The following SRPK1 variants were observed in gnomAD, a reference collection of about 807,000 sequenced individuals.
SRPK1 encodes SRSF protein kinase 1, also known as SFRS protein kinase 1.
Under a neutral mutation model 89.5 loss-of-function variants are expected in SRPK1, and 52 were observed. The observed-to-expected ratio is 0.58, with a 90% CI of 0.46 to 0.73. The LOEUF (loss-of-function observed/expected upper bound fraction) is 0.73, where lower values mean the gene tolerates loss of function less well. Among genes scored for constraint, SRPK1 ranks in the 30% least tolerant of loss-of-function variants. The pLI, the probability that SRPK1 is intolerant of heterozygous loss-of-function variation, is 0.00. For synonymous variants in SRPK1, 255 were observed against 270.2 expected, an observed-to-expected ratio of 0.94 and a Z score of 0.55; for missense variants, 603 against 780.6, an observed-to-expected ratio of 0.77 and a Z score of 2.71.
chr6:35,903,250 G>A (rs1040602683), intron 2 of SRPK1, among the ~76,000 whole-genome samples: 11 of 152,172 alleles, frequency 7.2e-5, no homozygotes, highest in Admixed American at 3.3e-4. Context: ...GGTGGCTCAC[G>A]CCTGTAATCC....
chr6:35,904,687 T>C (rs964035242), intron 2 of SRPK1, among the ~76,000 whole-genome samples: 3 of 151,838 alleles, frequency 2.0e-5, no homozygotes, highest in African/African-American at 7.3e-5. Context: ...TAATCCCAGC[T>C]ACTCGGGAGG....
At chr6:35,871,816 G>A (rs576745140) in intron 8 of SRPK1, among the ~76,000 whole-genome samples, 1 of 152,070 alleles carries the variant, frequency 6.6e-6, no homozygotes, top group Admixed American at 6.5e-5. Context: ...ATCACAACTC[G>A]TGGCAGCCTT....
At chr6:35,837,425 T>C (rs1174280632) in intron 15 of SRPK1, among the ~76,000 whole-genome samples, 2 of 152,234 alleles carry the variant, frequency 1.3e-5, no homozygotes. Context: ...GCACTATACA[T>C]ATTAACTGTT....
intron 9 of SRPK1, 71 bp downstream of exon 9, chr6:35,870,863 C>A: frequency 7.8e-7 from 1 of 1,285,030 alleles, no homozygotes; most frequent in South Asian, 1.5e-5. Flanking sequence ...AAACTGTTAC[C>A]ATCCACAACA....
intron 2 of SRPK1, among the ~76,000 whole-genome samples, chr6:35,917,219 G>A (rs1771129576): frequency 6.6e-6 from 1 of 152,238 alleles, no homozygotes; most frequent in African/African-American, 2.4e-5. Context: ...AGGACAGTAT[G>A]TCATGAAAGG....
chr6:35,878,262 G>A (rs1399143043), intron 6 of SRPK1, among the ~76,000 whole-genome samples: 1 of 152,124 alleles, frequency 6.6e-6, no homozygotes, highest in Admixed American at 6.5e-5. Flanking sequence ...TTTAAGACAG[G>A]AAATTCACAA....
At chr6:35,915,406 CAAAAAAA>C (rs560685673) in intron 2 of SRPK1, among the ~76,000 whole-genome samples, 2 of 73,910 alleles carry the variant, frequency 2.7e-5, no homozygotes, top group South Asian at 4.5e-4. Flanking sequence ...GACACCGTCT[CAAAAAAA>C]AAAAAAAAAA....
Position 35,838,421 on chromosome 6 carries a change from C to A in SRPK1, c.1699G>T (p.Ala567Ser). The A allele has an allele frequency of 6.3e-7, 1 of 1,581,396 alleles. No individual in the cohort carries two copies. The highest frequency in any genetic ancestry group is 8.5e-7 in the Non-Finnish European group (1 of 1,171,254). ...TTCCCCAGAAGTTCTATGATCAATG[C>A]AATGTGATCTGTATATTTCAAACAT... ...EEYTRDEDHI[A>S]LIIELLGKVP... Residue 567 changes from alanine (A) to serine (S), a missense_variant, in exon 15 of 16, where the codon GCA (alanine) becomes TCA (serine). By Grantham distance (99) the Ala-to-Ser change is moderately conservative (BLOSUM62 1). Transcript: ENST00000373825.
At chr6:35,892,368 G>A (rs552238144) in intron 2 of SRPK1, among the ~76,000 whole-genome samples, 5 of 152,174 alleles carry the variant, frequency 3.3e-5, no homozygotes, top group Non-Finnish European at 7.4e-5. Flanking sequence ...AGCAAAAAAA[G>A]CAGGGTACCT....
intron 2 of SRPK1, among the ~76,000 whole-genome samples, chr6:35,915,598 T>A (rs1006151222): frequency 2.0e-5 from 3 of 152,116 alleles, no homozygotes; most frequent in Admixed American, 6.6e-5. Flanking sequence ...CAGCCCATAG[T>A]GGAATATTTA....
At chr6:35,920,975 C>G (rs1176083654) in intron 1 of SRPK1, 69 bp downstream of exon 1, 5 of 1,504,456 alleles carry the variant, frequency 3.3e-6, no homozygotes, top group Non-Finnish European at 3.6e-6. Context: ...AAGCGAAGCT[C>G]CCGGCGCTGA....
chr6:35,896,957 A>T (rs998484025), intron 2 of SRPK1, among the ~76,000 whole-genome samples: 1 of 152,238 alleles, frequency 6.6e-6, no homozygotes, highest in Non-Finnish European at 1.5e-5. Context: ...AGCCAGTTAC[A>T]AAAGACCACA....
chr6:35,901,414 C>T (rs1288797167), intron 2 of SRPK1, among the ~76,000 whole-genome samples: 2 of 152,158 alleles, frequency 1.3e-5, no homozygotes, highest in African/African-American at 4.8e-5. Flanking sequence ...TGGCCATCTA[C>T]AAGGCAAGAA....
intron 2 of SRPK1, among the ~76,000 whole-genome samples, chr6:35,898,487 T>C (rs572130341): frequency 6.6e-6 from 1 of 152,352 alleles, no homozygotes; most frequent in East Asian, 1.9e-4. Flanking sequence ...AACTCATTCA[T>C]GTAATAAAAA....
At chr6:35,910,742 C>G (rs943597189) in intron 2 of SRPK1, among the ~76,000 whole-genome samples, 8 of 152,056 alleles carry the variant, frequency 5.3e-5, no homozygotes, top group Admixed American at 3.9e-4. Context: ...AAGTTGAGGC[C>G]AATACTAATT....
At chr6:35,861,690 C>T (rs988603868) in intron 12 of SRPK1, among the ~76,000 whole-genome samples, 2 of 152,226 alleles carry the variant, frequency 1.3e-5, no homozygotes, top group African/African-American at 2.4e-5. Context: ...CTAGGTTGCG[C>T]CTTGCCCTTT....
At chr6:35,872,891 G>A (rs1279445667) in intron 7 of SRPK1, among the ~76,000 whole-genome samples, 163 bp from the exon 8 acceptor site, 1 of 150,212 alleles carries the variant, frequency 6.7e-6, no homozygotes, top group Non-Finnish European at 1.5e-5. Flanking sequence ...TTCTCAGAAA[G>A]ATTAAACTAT....
intron 4 of SRPK1, among the ~76,000 whole-genome samples, chr6:35,888,476 C>T (rs1005240402): frequency 5.3e-5 from 8 of 152,006 alleles, no homozygotes; most frequent in Non-Finnish European, 1.2e-4. Context: ...TAGGCAAAAA[C>T]TAAAAGGTTA....
chr6:35,838,069 C>T (rs1323934124), intron 15 of SRPK1, among the ~76,000 whole-genome samples: 2 of 152,008 alleles, frequency 1.3e-5, no homozygotes, highest in African/African-American at 2.4e-5. Context: ...GGGGTTTCAC[C>T]GGGTTGGCCA....
Sources: allele counts gnomAD v4.1 joint callset (sites outside exome capture counted in the v4.1 genomes callset), GRCh38; gene constraint gnomAD v4.1.1; transcripts MANE v1.5; gene names NCBI Gene and HGNC (gene_info 2026-07-23, HGNC 2026-07-21).